The following IGSF9 variants were observed in gnomAD, a reference collection of about 807,000 sequenced individuals.
IGSF9 encodes the protein protein turtle homolog A.
IGSF9 carries 87 observed loss-of-function variants against 121.7 expected under a neutral mutation model. The ratio of observed to expected loss-of-function variants is 0.71; its 90% CI spans 0.60 to 0.85. The LOEUF is 0.85. Ranked by LOEUF, IGSF9 falls within the 40% of genes least tolerant of loss-of-function variation. The pLI, the probability that IGSF9 is intolerant of heterozygous loss-of-function variation, is 0.00. For missense variants in IGSF9, 1,462 were observed against 1,565.3 expected, an observed-to-expected ratio of 0.93 and a Z score of 1.11; for synonymous variants, 640 against 648.4, an observed-to-expected ratio of 0.99 and a Z score of 0.20.
At position 159,927,829 on chromosome 1, in the gene IGSF9, C is replaced by T; in HGVS notation, c.3289G>A (p.Glu1097Lys). ...CCCAGGTGCAAAGTCTCCAGCAATTCCATGTCCCCAGGGAATTCTGAGTCC... is the reference window on the plus strand; with the variant it reads ...CCCAGGTGCAAAGTCTCCAGCAATTTCATGTCCCCAGGGAATTCTGAGTCC... ...EWDSEFPGDM[E>K]LLETLHLGLA... Residue 1097 changes from glutamate to lysine, a missense_variant, in exon 20 of 21, where the codon GAA becomes AAA. Glu to Lys is a moderately conservative substitution (Grantham distance 56). Around this residue, in one of 3 missense-constraint regions of IGSF9, gnomAD observed 808 missense variants for 815.2 expected, o/e 0.99. Transcript: ENST00000368094. 6.2e-7 allele frequency: 1 copy of T among 1,613,658 alleles called. No individual in the cohort carries two copies. Among genetic ancestry groups the T allele is most frequent in the Non-Finnish European group, 8.5e-7 (1 of 1,179,946 alleles).
intron 3 of IGSF9, among the ~76,000 whole-genome samples, chr1:159,938,406 A>C (rs1452008496): frequency 6.6e-6 from 1 of 152,186 alleles, no homozygotes; most frequent in African/African-American, 2.4e-5. Context: ...CAAAGTCAGC[A>C]GCCTCCTCGC....
At chr1:159,944,581 G>A (rs1393092974) in intron 1 of IGSF9, among the ~76,000 whole-genome samples, 2 of 152,152 alleles carry the variant, frequency 1.3e-5, no homozygotes, top group Admixed American at 1.3e-4. Context: ...CCAAAAAAAA[G>A]CCTGTGAGTC....
At chr1:159,935,308 C>G (rs1156935765) in intron 6 of IGSF9, among the ~76,000 whole-genome samples, 1 of 152,168 alleles carries the variant, frequency 6.6e-6, no homozygotes, top group Admixed American at 6.5e-5. Flanking sequence ...GCTCAGGAAC[C>G]TGCAACAGCA....
At position 159,936,429 on chromosome 1, in the gene IGSF9, C is replaced by T. The variant is rs760265957; in HGVS notation, c.643G>A (p.Ala215Thr). 35 of 1,614,056 alleles carry T rather than the reference C, an allele frequency of 2.2e-5. No homozygotes were observed. Among genetic ancestry groups the T allele is most frequent in the South Asian group, 3.3e-5 (3 of 91,090 alleles). ...TCQASSTEGS[A>T]THATQLLVLG... ...ACTAGCAGCTGGGTGGCGTGGGTGG[C>T]GCTGCCCTCAGTGCTGGAGGCTTGG... The change falls in exon 6 of 21, where the codon GCC (alanine) becomes ACC (threonine). Residue 215 changes from alanine to threonine, a missense_variant. Around this residue, in one of 3 missense-constraint regions of IGSF9, gnomAD observed 558 missense variants for 599.4 expected, o/e 0.93. Transcript: ENST00000368094.
intron 3 of IGSF9, among the ~76,000 whole-genome samples, chr1:159,938,204 C>T (rs1651262609): frequency 6.6e-6 from 1 of 152,146 alleles, no homozygotes; most frequent in Non-Finnish European, 1.5e-5. Context: ...CACCTCTGGG[C>T]TCTTTATGTA....
chr1:159,931,906 C>G lies in IGSF9; in HGVS notation c.1268G>C (p.Arg423Pro). Residue 423 changes from arginine to proline, a missense_variant, in exon 11 of 21, where the codon CGG becomes CCG. Transcript: ENST00000368094. This position sits in a 1 kb window ranked among gnomAD's most constrained non-coding sequence, Gnocchi z 4.8. ...TTCTTGGAAATATTCTTCCTTGGGCCGCTCTATAAAAGCTGGGGGAGCCTG... is the reference window on the plus strand; with the variant it reads ...TTCTTGGAAATATTCTTCCTTGGGCGGCTCTATAAAAGCTGGGGGAGCCTG... Reference protein sequence around the residue: ...LLKAPPAFIERPKEEYFQEVG... With the variant: ...LLKAPPAFIEPPKEEYFQEVG... The G allele has an allele frequency of 6.3e-7, 1 of 1,596,224 alleles. No individual in the cohort carries two copies.
intron 5 of IGSF9, 75 bp downstream of exon 5, chr1:159,936,679 C>T: frequency 6.3e-7 from 1 of 1,576,720 alleles, no homozygotes; most frequent in South Asian, 1.2e-5. Flanking sequence ...CTCCTCTGTC[C>T]TCTGGCCCCA....
rs1571210503 is a variant in IGSF9 at position 159,929,031 on chromosome 1, A to G, written c.2370-13T>C. 6.6e-7 allele frequency: 1 copy of G among 1,513,040 alleles called. No individual in the cohort carries two copies. Among genetic ancestry groups the G allele is most frequent in the East Asian group, 2.3e-5 (1 of 43,754 alleles). 93.7% of individuals were successfully genotyped at this position (1,513,040 alleles called of 1,614,324 possible). On this transcript the variant is annotated splice_polypyrimidine_tract_variant and intron_variant, in intron 18 of 20. Transcript: ENST00000368094. ...GCCCAGAGCAGAGCTGGGGAAGGAC[A>G]GGAGATCAGGGTCTGTGGTAGGGGC... is the stretch of plus-strand genomic sequence containing the variant.
At position 159,929,754 on chromosome 1, in the gene IGSF9, G is replaced by A. The variant is rs1447897902; in HGVS notation, c.2210C>T (p.Ala737Val). 1.2e-6 allele frequency: 2 copies of A among 1,604,976 alleles called. No homozygotes were observed. The highest frequency in any genetic ancestry group is 1.7e-6 in the Non-Finnish European group (2 of 1,176,310). ...LPGLLPQPVL[A>V]GVVGGVCFLG... ...AAAGCAGACTCCGCCCACCACGCCG[G>A]CCAGCACGGGCTGAGGCAGGAGGCC... Residue 737 changes from alanine (A) to valine (V), a missense_variant, in exon 17 of 21, where the codon GCC becomes GTC. Physicochemically the swap from Ala to Val is moderately conservative, Grantham distance 64. This residue lies in a region of IGSF9 where 808 missense variants were observed against 815.2 expected (regional missense o/e 0.99). Transcript: ENST00000368094.
At chr1:159,942,419 T>C (rs115503683) in intron 3 of IGSF9, among the ~76,000 whole-genome samples, 2,041 of 152,236 alleles carry the variant, frequency 0.013, 41 homozygotes, top group South Asian at 0.12. Flanking sequence ...AGAAGCAGAC[T>C]GAGTGTCCCT....
Position 159,928,530 on chromosome 1 carries a change from G to C in IGSF9, c.2858C>G (p.Pro953Arg). ...ACAGCGCCGGGTATCCATGTAATCTGGGGGTGCAGCAGGGCTGGGCTCCTC... is the reference window on the plus strand; with the variant it reads ...ACAGCGCCGGGTATCCATGTAATCTCGGGGTGCAGCAGGGCTGGGCTCCTC... ...PLEEPSPAAP[P>R]DYMDTRRCPT... Residue 953 changes from proline to arginine, a missense_variant, in exon 19 of 21, where the codon CCA becomes CGA. This residue lies in a region of IGSF9 where 808 missense variants were observed against 815.2 expected (regional missense o/e 0.99). Coordinates refer to ENST00000368094, the MANE Select transcript of IGSF9 (RefSeq NM_001135050.2). 1 of 1,560,250 alleles carries C rather than the reference G, an allele frequency of 6.4e-7. No individual in the cohort carries two copies. Among genetic ancestry groups the C allele is most frequent in the Non-Finnish European group, 8.7e-7 (1 of 1,151,004 alleles).
At chr1:159,935,249 C>G (rs1269325976) in intron 6 of IGSF9, among the ~76,000 whole-genome samples, 1 of 152,214 alleles carries the variant, frequency 6.6e-6, no homozygotes, top group Non-Finnish European at 1.5e-5. Context: ...AGCTGCCACT[C>G]TAATGGCCAT....
In IGSF9 at chr1:159,929,277, C is replaced by CA. The variant is rs1650882484; in HGVS notation, c.2369+73dup. The CA allele has an allele frequency of 4.5e-6, 7 of 1,546,998 alleles. No homozygotes were observed. In the South Asian group the frequency reaches 5.6e-5, roughly 12 times the overall value. On this transcript the variant is annotated intron_variant, in intron 18 of 20. Coordinates refer to ENST00000368094, the MANE Select transcript of IGSF9 (RefSeq NM_001135050.2). ...ACCCAACATCCCCCTGGTAAAGATG[C>CA]AAAAAAGGAAGCAGAAGATACTGGC...
rs1452314215 is a variant in IGSF9 at position 159,934,261 on chromosome 1, G to A, written c.1033C>T (p.Pro345Ser). ...AGCAGTGGGGGGTTGGCACGAACCG[G>A]GCAGCGGATCACCCCCGGCATGCCT... Reference protein sequence around the residue: ...PIGMPGVIRCPVRANPPLLFV... With the variant: ...PIGMPGVIRCSVRANPPLLFV... The change falls in exon 9 of 21, where the codon CCG (proline) becomes TCG (serine). Residue 345 changes from proline to serine, a missense_variant. This residue lies in a region of IGSF9 where 558 missense variants were observed against 599.4 expected (regional missense o/e 0.93). Coordinates refer to ENST00000368094, the MANE Select transcript of IGSF9 (RefSeq NM_001135050.2). 2 of 1,613,928 alleles carry A rather than the reference G, an allele frequency of 1.2e-6. No homozygotes were observed. Among genetic ancestry groups the A allele is most frequent in the East Asian group, 4.5e-5 (2 of 44,876 alleles).
rs762466252 is a variant in IGSF9, at chr1:159,934,203, A to G, written c.1091T>C (p.Leu364Pro). The change falls in exon 9 of 21, where the codon CTG (leucine) becomes CCG (proline). Residue 364 changes from leucine to proline, a missense_variant. Around this residue, in one of 3 missense-constraint regions of IGSF9, gnomAD observed 558 missense variants for 599.4 expected, o/e 0.93. Transcript: ENST00000368094. ...FVSWTKDGKA[L>P]QLDKFPGWSQ... ...CCAAGCCTGTACCTTGTCCAGCTGC[A>G]GGGCCTTTCCATCCTTGGTCCAGCT... 6.2e-7 allele frequency: 1 copy of G among 1,613,504 alleles called. No individual in the cohort carries two copies. The highest frequency in any genetic ancestry group is 1.1e-5 in the South Asian group (1 of 90,820).
chr1:159,929,090 G>T, intron 18 of IGSF9, 72 bp from the exon 19 acceptor site: 1 of 1,477,520 alleles, frequency 6.8e-7, no homozygotes, highest in South Asian at 1.4e-5. Context: ...GTCAGGCCTT[G>T]AGAGGTTTGG....
In IGSF9 at chr1:159,927,881, G is replaced by C. The variant is rs1393769248; in HGVS notation, c.3237C>G (p.Asn1079Lys). ...EHVVTVSKRR[N>K]TSVDENYEWD... ...ACTCATAGTTCTCGTCCACAGATGT[G>C]TTCCTCCTGTAAAAAAAAAAAAAAA... Residue 1079 changes from asparagine (N) to lysine (K), a missense_variant, in exon 20 of 21, where the codon AAC becomes AAG. Asn to Lys is a moderately conservative substitution (Grantham distance 94). Transcript: ENST00000368094. The C allele has an allele frequency of 6.4e-7, 1 of 1,550,700 alleles. No individual in the cohort carries two copies. The highest frequency in any genetic ancestry group is 8.6e-7 in the Non-Finnish European group (1 of 1,156,748).
At chr1:159,937,864 G>GTGC in intron 3 of IGSF9, 26 bp from the exon 4 acceptor site, 1 of 1,605,810 alleles carries the variant, frequency 6.2e-7, no homozygotes, top group Non-Finnish European at 8.5e-7. Context: ...TGAATCAAGG[G>GTGC]TGCTGAAGGA....
Position 159,930,427 on chromosome 1 carries a change from G to C in IGSF9, c.1826C>G (p.Thr609Arg), listed in dbSNP as rs796532082. The C allele has an allele frequency of 1.3e-6, 2 of 1,539,366 alleles. No homozygotes were observed. Among genetic ancestry groups the C allele is most frequent in the African/African-American group, 1.4e-5 (1 of 72,758 alleles). Residue 609 changes from threonine (T) to arginine (R), a missense_variant, in exon 15 of 21, where the codon ACG becomes AGG. Physicochemically the swap from Thr to Arg is moderately conservative, Grantham distance 71 (BLOSUM62 -1). Coordinates refer to ENST00000368094, the MANE Select transcript of IGSF9 (RefSeq NM_001135050.2). ...TGGGGGAAGCCCGGGTGCAGCTGGCGTGGTAGGAAGCCCTGCGTGGGACAG... is the reference window on the plus strand; with the variant it reads ...TGGGGGAAGCCCGGGTGCAGCTGGCCTGGTAGGAAGCCCTGCGTGGGACAG... ...VLSAPEGLPTTPAAPGLPPTE... is the reference protein window; with the variant it reads ...VLSAPEGLPTRPAAPGLPPTE...
Sources: allele counts gnomAD v4.1 joint callset (sites outside exome capture counted in the v4.1 genomes callset), GRCh38; gene constraint gnomAD v4.1.1; regional missense constraint gnomAD v4.1.1; non-coding constraint Gnocchi (gnomAD v3.1); transcripts MANE v1.5; gene names NCBI Gene and HGNC (gene_info 2026-07-23, HGNC 2026-07-21).